NCAPH: variants seen among roughly 807,000 people sequenced by gnomAD.
NCAPH encodes non-SMC condensin I complex subunit H.
A neutral mutation model predicts 85.5 loss-of-function variants in NCAPH; 38 were observed. That is an observed-to-expected ratio of 0.44 (90% CI 0.34 to 0.58). NCAPH has a LOEUF of 0.58. NCAPH is among the 20% of genes least tolerant of loss of function. The pLI is 0.01. For synonymous variants in NCAPH, 301 were observed against 335.1 expected (o/e 0.90, Z 1.11); for missense variants, 789 against 916.6 (o/e 0.86, Z 1.80).
chr2:96,343,400 T>G, intron 5 of NCAPH, 96 bp downstream of exon 5: 1 of 1,410,228 alleles, frequency 7.1e-7, no homozygotes, highest in Non-Finnish European at 9.4e-7. Context: ...AAGAAATAAG[T>G]GATCTCATTT....
At position 96,376,128 on chromosome 2, in the gene NCAPH, G is replaced by T. The variant is rs189089541; in HGVS notation, c.*2777G>T. On this transcript the variant is annotated 3_prime_UTR_variant, in exon 18 of 18. Transcript: ENST00000240423. ...TGTTAAGGTTAAAAGAAAATTTGAG[G>T]TAGCCAGCAGTATCTGCCTCAGATG... Among the ~76,000 whole-genome samples, 1 of 152,304 alleles carries T rather than the reference G, an allele frequency of 6.6e-6. No homozygotes were observed. The highest frequency in any genetic ancestry group is 6.5e-5 in the Admixed American group (1 of 15,300).
chr2:96,361,760 A>G (rs913667667), intron 12 of NCAPH, among the ~76,000 whole-genome samples: 4 of 126,810 alleles, frequency 3.2e-5, no homozygotes, highest in Non-Finnish European at 5.0e-5. Context: ...ATATATATAT[A>G]TATATATACA....
intron 12 of NCAPH, among the ~76,000 whole-genome samples, chr2:96,362,316 G>A (rs1311091762): frequency 2.6e-5 from 4 of 152,162 alleles, no homozygotes; most frequent in Admixed American, 6.5e-5. Flanking sequence ...GACTCTTATG[G>A]ATGATTTTGA....
In NCAPH at chr2:96,361,040, CTTTTTTTTTT is replaced by C. The variant is rs760283642; in HGVS notation, c.1587+347_1587+356del. On this transcript the variant is annotated intron_variant, in intron 12 of 17. Coordinates refer to ENST00000240423, the MANE Select transcript of NCAPH (RefSeq NM_015341.5). ...TATTTCTTGATTCCTTTGCTTTCTC[CTTTTTTTTTT>C]TTTTTTTTTTTTTTTTGACAGAGTT... 9.2e-5 allele frequency among the ~76,000 whole-genome samples: 8 copies of C among 86,780 alleles called. No individual in the cohort carries two copies. In the South Asian group the frequency reaches 2.0e-3, roughly 21 times the overall value. 56.9% of individuals were successfully genotyped at this position (86,780 alleles called of 152,430 possible). A position where few individuals can be genotyped will look rare whatever the true frequency, so the allele number is the denominator to read the frequency against.
At chr2:96,355,158 A>C (rs888712760) in intron 9 of NCAPH, among the ~76,000 whole-genome samples, 2 of 152,250 alleles carry the variant, frequency 1.3e-5, no homozygotes, top group African/African-American at 4.8e-5. Flanking sequence ...AAAAATAATC[A>C]GAACTTGGTT....
intron 9 of NCAPH, among the ~76,000 whole-genome samples, chr2:96,357,769 T>G (rs2064543502): frequency 6.6e-6 from 1 of 152,222 alleles, no homozygotes; most frequent in African/African-American, 2.4e-5. Context: ...TAAAATTCTG[T>G]ATGTAAAGAC....
rs1193194526 is a variant in NCAPH at position 96,374,784 on chromosome 2, G to A, written c.*1433G>A. Among the ~76,000 whole-genome samples the A allele has an allele frequency of 6.6e-6, 1 of 152,184 alleles. No individual in the cohort carries two copies. The highest frequency in any genetic ancestry group is 2.4e-5 in the African/African-American group (1 of 41,444). On this transcript the variant is annotated 3_prime_UTR_variant, in exon 18 of 18. Coordinates refer to ENST00000240423, the MANE Select transcript of NCAPH (RefSeq NM_015341.5). ...AAGCCTCCATCACTTTCCCAGGCCA[G>A]GTTAGTGCTGGGCTTCTTGCTTTCC...
Position 96,358,932 on chromosome 2 carries a change from A to T in NCAPH, c.1209-113A>T, listed in dbSNP as rs534850316. On this transcript the variant is annotated intron_variant, in intron 9 of 17. Coordinates refer to ENST00000240423, the MANE Select transcript of NCAPH (RefSeq NM_015341.5). ...GAAGTAAAAGGAATTATTAATAATG[A>T]AGTTATTTGTATTGGACTCACAGAA... 3 of 975,256 alleles carry T rather than the reference A, an allele frequency of 3.1e-6. No homozygotes were observed. In the South Asian group the frequency reaches 6.0e-5, roughly 20 times the overall value. 60.4% of individuals were successfully genotyped at this position (975,256 alleles called of 1,614,324 possible).
At chr2:96,341,613 A>G in intron 1 of NCAPH, 29 bp from the exon 2 acceptor site, 1 of 1,601,072 alleles carries the variant, frequency 6.2e-7, no homozygotes, top group Non-Finnish European at 8.5e-7. Flanking sequence ...GTTCTCTTGA[A>G]GGTTTCTTGA....
chr2:96,369,201 A>G, intron 16 of NCAPH, 138 bp downstream of exon 16: 1 of 972,634 alleles, frequency 1.0e-6, no homozygotes. Flanking sequence ...GACAGATAAT[A>G]CAGACCAACT....
At chr2:96,337,383 C>G (rs570292889) in intron 1 of NCAPH, among the ~76,000 whole-genome samples, 10 of 152,324 alleles carry the variant, frequency 6.6e-5, no homozygotes, top group South Asian at 2.1e-4. Flanking sequence ...AAAAATGTCT[C>G]TTGCCTCCTC....
intron 15 of NCAPH, among the ~76,000 whole-genome samples, chr2:96,368,189 G>A (rs367576898): frequency 1.2e-4 from 18 of 152,302 alleles, no homozygotes; most frequent in African/African-American, 4.1e-4. Flanking sequence ...AGTTGATTGA[G>A]GGCCCTGAGC....
chr2:96,346,811 G>C (rs987813688), intron 6 of NCAPH, among the ~76,000 whole-genome samples: 5 of 152,072 alleles, frequency 3.3e-5, no homozygotes, highest in African/African-American at 9.7e-5. Flanking sequence ...AGGCGGGGTA[G>C]GGGTCTTACT....
Position 96,335,791 on chromosome 2 carries a change from C to A in NCAPH, c.-39C>A. Reference sequence around the variant, plus strand: ...GTTACGGCGCTCAGGCGTCTCGACGCGCGCGATTTAAAACCAGCTCAGGAG... The same window carrying A: ...GTTACGGCGCTCAGGCGTCTCGACGAGCGCGATTTAAAACCAGCTCAGGAG... On this transcript the variant is annotated 5_prime_UTR_variant, in exon 1 of 18. Coordinates refer to ENST00000240423, the MANE Select transcript of NCAPH (RefSeq NM_015341.5). 6.8e-7 allele frequency: 1 copy of A among 1,471,962 alleles called. No homozygotes were observed. The highest frequency in any genetic ancestry group is 9.0e-7 in the Non-Finnish European group (1 of 1,112,744). 91.2% of individuals were successfully genotyped at this position (1,471,962 alleles called of 1,614,324 possible). A position where few individuals can be genotyped will look rare whatever the true frequency, so the allele number is the denominator to read the frequency against.
chr2:96,350,714 C>T (rs961193030), intron 6 of NCAPH, among the ~76,000 whole-genome samples: 1 of 152,082 alleles, frequency 6.6e-6, no homozygotes, highest in Non-Finnish European at 1.5e-5. Flanking sequence ...AGCTGAACCT[C>T]AGTTCTGATG....
intron 1 of NCAPH, 84 bp downstream of exon 1, chr2:96,335,932 G>C (rs867801846): frequency 1.5e-6 from 2 of 1,355,606 alleles, no homozygotes; most frequent in Non-Finnish European, 1.9e-6. Context: ...GGGCTGGCCT[G>C]GGCGGGGAGA....
intron 1 of NCAPH, among the ~76,000 whole-genome samples, chr2:96,340,084 A>C (rs1050733663): frequency 1.3e-5 from 2 of 151,606 alleles, no homozygotes; most frequent in African/African-American, 4.9e-5. Flanking sequence ...CACCACGTTC[A>C]GCTAATTTTT....
Position 96,360,169 on chromosome 2 carries a change from AAAAAG to A in NCAPH, c.1387_1391del (p.Lys463GlufsTer7). On this transcript the variant is annotated frameshift_variant, in exon 11 of 18. Transcript: ENST00000240423. LOFTEE classifies it high-confidence loss of function. ...AGATGCTCCTTCCCAATCAGAAAAC[AAAAAG>A]AAGAGTACAAAAAAAGATTTTGAAA... The A allele has an allele frequency of 1.9e-6, 3 of 1,590,608 alleles. No individual in the cohort carries two copies. The highest frequency in any genetic ancestry group is 2.6e-6 in the Non-Finnish European group (3 of 1,160,794).
chr2:96,357,963 T>G (rs1452500180), intron 9 of NCAPH, among the ~76,000 whole-genome samples: 1 of 152,128 alleles, frequency 6.6e-6, no homozygotes, highest in Non-Finnish European at 1.5e-5. Context: ...GGAGAAAGCT[T>G]GTACCTTGTG....
Sources: allele counts gnomAD v4.1 joint callset (sites outside exome capture counted in the v4.1 genomes callset), GRCh38; gene constraint gnomAD v4.1.1; transcripts MANE v1.5; gene names NCBI Gene and HGNC (gene_info 2026-07-23, HGNC 2026-07-21).